ABLIM2: variants seen among roughly 807,000 people sequenced by gnomAD.
The protein encoded by ABLIM2 is actin binding LIM protein family member 2.
Under a neutral mutation model 97.7 loss-of-function variants are expected in ABLIM2, and 53 were observed. The ratio of observed to expected loss-of-function variants is 0.54; its 90% CI spans 0.44 to 0.68. The LOEUF (loss-of-function observed/expected upper bound fraction) is 0.68, where lower values mean the gene tolerates loss of function less well. Ranked by LOEUF, ABLIM2 falls within the 30% of genes least tolerant of loss-of-function variation. The probability of loss-of-function intolerance (pLI) is 0.00; values close to 1 mark genes in which losing one functional copy is unlikely to be tolerated. For missense variants in ABLIM2, 835 were observed against 867.2 expected (o/e 0.96, Z 0.47); for synonymous variants, 361 against 345.8 (o/e 1.04, Z -0.49).
intron 2 of ABLIM2, among the ~76,000 whole-genome samples, chr4:8,101,125 CA>C (rs1834356637): frequency 6.6e-6 from 1 of 152,248 alleles, no homozygotes; most frequent in Non-Finnish European, 1.5e-5. Context: ...GATGCCAATT[CA>C]CATCAAAACA....
intron 2 of ABLIM2, among the ~76,000 whole-genome samples, chr4:8,101,958 C>T (rs1030700123): frequency 2.6e-5 from 4 of 152,184 alleles, no homozygotes; most frequent in Non-Finnish European, 4.4e-5. Flanking sequence ...TCACACCCCT[C>T]ATCCCAGCCG....
At position 8,071,693 on chromosome 4, in the gene ABLIM2, A is replaced by AACCCCCC; in HGVS notation, c.675+5934_675+5935insGGGGGGT. On this transcript the variant is annotated intron_variant, in intron 6 of 20. Transcript: ENST00000447017. This position sits in a 1 kb window ranked among gnomAD's most constrained non-coding sequence, Gnocchi z 6.2. ...ACACCTGACTGCTCTGTCCCCAAAA[A>AACCCCCC]CCCACCCACCCGCAGCCCCTCCTGG... is the stretch of plus-strand genomic sequence containing the variant. 6 of 819,830 alleles carry AACCCCCC rather than the reference A, an allele frequency of 7.3e-6. No homozygotes were observed. The highest frequency in any genetic ancestry group is 5.6e-5 in the South Asian group (1 of 17,998). The allele number at this position is 819,830 out of a possible 1,614,324, so 50.8% of individuals were successfully genotyped here.
rs1758029756 is a variant in ABLIM2, at chr4:8,002,681, C to G, written c.1618+5378G>C. ...GGCCGCCCTGCTCCTGCCTCCAGACCTGTCTACAGGCTGTCTGTGCTGCTT... is the reference window on the plus strand; with the variant it reads ...GGCCGCCCTGCTCCTGCCTCCAGACGTGTCTACAGGCTGTCTGTGCTGCTT... On this transcript the variant is annotated intron_variant, in intron 16 of 20. Transcript: ENST00000447017. This position sits in a 1 kb window ranked among gnomAD's most constrained non-coding sequence, Gnocchi z 6.1. Among the ~76,000 whole-genome samples the G allele has an allele frequency of 6.6e-6, 1 of 152,182 alleles. No individual in the cohort carries two copies. The highest frequency in any genetic ancestry group is 6.5e-5 in the Admixed American group (1 of 15,280).
chr4:7,998,784 G>T lies in ABLIM2; in HGVS notation c.1619-5857C>A. 2.2e-6 allele frequency: 1 copy of T among 451,840 alleles called. No homozygotes were observed. The highest frequency in any genetic ancestry group is 2.3e-5 in the Admixed American group (1 of 42,616). 28.0% of individuals were successfully genotyped at this position (451,840 alleles called of 1,614,324 possible). ...TGCTGGGTGGGGGTGGGAGTGGGCA[G>T]GCAGGGCTGCTGTCCCTTGAGGTCC... On this transcript the variant is annotated intron_variant, in intron 16 of 20. Coordinates refer to ENST00000447017, the MANE Select transcript of ABLIM2 (RefSeq NM_001130083.2). This position sits in a 1 kb window ranked among gnomAD's most constrained non-coding sequence, Gnocchi z 6.4.
chr4:7,970,741 T>C lies in ABLIM2; in HGVS notation c.1825-3638A>G, dbSNP rs957452744. On this transcript the variant is annotated intron_variant, in intron 20 of 20. Coordinates refer to ENST00000447017, the MANE Select transcript of ABLIM2 (RefSeq NM_001130083.2). The surrounding 1 kb of genome is among the most constrained non-coding windows in gnomAD (Gnocchi z 5.3). ...TCTGAAGTTGCTGGGAATGGTTACCTTCTCTGGGAGTGTGGCACTGGGACT... is the reference window on the plus strand; with the variant it reads ...TCTGAAGTTGCTGGGAATGGTTACCCTCTCTGGGAGTGTGGCACTGGGACT... Among the ~76,000 whole-genome samples, 3 of 151,952 alleles carry C rather than the reference T, an allele frequency of 2.0e-5. No individual in the cohort carries two copies. The highest frequency in any genetic ancestry group is 4.4e-5 in the Non-Finnish European group (3 of 67,974).
At chr4:8,094,277 A>G (rs10015788) in intron 3 of ABLIM2, among the ~76,000 whole-genome samples, 61,433 of 151,964 alleles carry the variant, frequency 0.4, 13,332 homozygotes, top group African/African-American at 0.57. Flanking sequence ...TCATTTCACC[A>G]TTCCTGTCAT....
rs1849164733 is a variant in ABLIM2 at position 8,130,231 on chromosome 4, G to A, written c.11-23594C>T. Among the ~76,000 whole-genome samples the A allele has an allele frequency of 6.6e-6, 1 of 152,232 alleles. No individual in the cohort carries two copies. Among genetic ancestry groups the A allele is most frequent in the African/African-American group, 2.4e-5 (1 of 41,460 alleles). On this transcript the variant is annotated intron_variant, in intron 1 of 20. Transcript: ENST00000447017. This position sits in a 1 kb window ranked among gnomAD's most constrained non-coding sequence, Gnocchi z 4.2. The stretch of plus-strand genomic sequence containing the variant: ...AGGGCCAGGGATGGAGACGCAGGGT[G>A]GCCAGGGTGGTGCTGGATGGCTGAG...
At chr4:8,040,185 G>T (rs1458041807) in intron 9 of ABLIM2, among the ~76,000 whole-genome samples, 1 of 152,136 alleles carries the variant, frequency 6.6e-6, no homozygotes, top group East Asian at 1.9e-4. Context: ...AGGCAGGGGT[G>T]GGCAGCTGCA....
chr4:7,983,734 C>T (rs1384272175), intron 18 of ABLIM2, among the ~76,000 whole-genome samples, 180 bp from the exon 19 acceptor site: 1 of 150,652 alleles, frequency 6.6e-6, no homozygotes, highest in Admixed American at 6.6e-5. Context: ...GCAGAGGGGC[C>T]CTGAGGGCCT....
intron 6 of ABLIM2, among the ~76,000 whole-genome samples, chr4:8,077,276 C>T (rs1485664294): frequency 6.6e-6 from 1 of 152,212 alleles, no homozygotes; most frequent in Non-Finnish European, 1.5e-5. Flanking sequence ...CGCTGTGCCT[C>T]CTATGGGGAC....
chr4:8,001,500 A>G lies in ABLIM2; in HGVS notation c.1618+6559T>C, dbSNP rs552755945. Reference sequence around the variant, plus strand: ...GGGGCCACTGTCCTCGGGGTGGTGTATACCTCCAGCCACAGCATCTTCTCC... The same window carrying G: ...GGGGCCACTGTCCTCGGGGTGGTGTGTACCTCCAGCCACAGCATCTTCTCC... On this transcript the variant is annotated intron_variant, in intron 16 of 20. Transcript: ENST00000447017. The surrounding 1 kb of genome is among the most constrained non-coding windows in gnomAD (Gnocchi z 4.2). Among the ~76,000 whole-genome samples the G allele has an allele frequency of 2.0e-4, 30 of 152,156 alleles. No homozygotes were observed. Among genetic ancestry groups the G allele is most frequent in the Admixed American group, 5.2e-4 (8 of 15,294 alleles).
At position 7,984,638 on chromosome 4, in the gene ABLIM2, G is replaced by A. The variant is rs796085460; in HGVS notation, c.1735+201C>T. Among the ~76,000 whole-genome samples, 100 of 152,366 alleles carry A rather than the reference G, an allele frequency of 6.6e-4. 1 individual carries two copies. Among genetic ancestry groups the A allele is most frequent in the African/African-American group, 2.3e-3 (94 of 41,590 alleles). On this transcript the variant is annotated intron_variant, in intron 18 of 20. Transcript: ENST00000447017. Reference sequence around the variant, plus strand: ...ATGGATGGGACAGAGGGAGCATCGCGGGTAAAGCTAGCTTGGAGTGGAACT... The same window carrying A: ...ATGGATGGGACAGAGGGAGCATCGCAGGTAAAGCTAGCTTGGAGTGGAACT...
chr4:8,019,534 A>G lies in ABLIM2; in HGVS notation c.1423+84T>C. ...GTGCCTTCACTGCATTTATCAGAAC[A>G]CAACAAAAGGATGCATTCAGAAGCA... On this transcript the variant is annotated intron_variant, in intron 14 of 20. Coordinates refer to ENST00000447017, the MANE Select transcript of ABLIM2 (RefSeq NM_001130083.2). The surrounding 1 kb of genome is among the most constrained non-coding windows in gnomAD (Gnocchi z 4.3). The G allele has an allele frequency of 1.5e-6, 2 of 1,374,042 alleles. No homozygotes were observed. Among genetic ancestry groups the G allele is most frequent in the Non-Finnish European group, 2.0e-6 (2 of 989,208 alleles). The allele number at this position is 1,374,042 out of a possible 1,614,324, so 85.1% of individuals were successfully genotyped here. A position where few individuals can be genotyped will look rare whatever the true frequency, so the allele number is the denominator to read the frequency against.
In ABLIM2 at chr4:8,058,001, G is replaced by A. The variant is rs1351958913; in HGVS notation, c.763+2966C>T. 6.6e-6 allele frequency among the ~76,000 whole-genome samples: 1 copy of A among 152,236 alleles called. No individual in the cohort carries two copies. The highest frequency in any genetic ancestry group is 2.4e-5 in the African/African-American group (1 of 41,468). On this transcript the variant is annotated intron_variant, in intron 7 of 20. Coordinates refer to ENST00000447017, the MANE Select transcript of ABLIM2 (RefSeq NM_001130083.2). The surrounding 1 kb of genome is among the most constrained non-coding windows in gnomAD (Gnocchi z 4.2). ...ATTCAGACTGAGAAATCCAAGTTAG[G>A]AGAGGGGACAGGCCTGGGTTCGACA... is the stretch of plus-strand genomic sequence containing the variant.
At chr4:8,065,587 C>T (rs899951134) in intron 6 of ABLIM2, among the ~76,000 whole-genome samples, 10 of 152,148 alleles carry the variant, frequency 6.6e-5, no homozygotes, top group African/African-American at 1.7e-4. Flanking sequence ...CCAGGAAATT[C>T]ACTCTTTGGC....
intron 1 of ABLIM2, among the ~76,000 whole-genome samples, chr4:8,108,587 T>C (rs1182762143): frequency 2.0e-5 from 3 of 152,326 alleles, no homozygotes; most frequent in African/African-American, 7.2e-5. Flanking sequence ...CTGATAGCCG[T>C]CCTAATTCGT....
chr4:8,032,149 A>T lies in ABLIM2; in HGVS notation c.1048-2373T>A, dbSNP rs1161178490. Among the ~76,000 whole-genome samples the T allele has an allele frequency of 6.6e-6, 1 of 151,704 alleles. No individual in the cohort carries two copies. The highest frequency in any genetic ancestry group is 1.5e-5 in the Non-Finnish European group (1 of 67,914). On this transcript the variant is annotated intron_variant, in intron 10 of 20. Coordinates refer to ENST00000447017, the MANE Select transcript of ABLIM2 (RefSeq NM_001130083.2). The surrounding 1 kb of genome is among the most constrained non-coding windows in gnomAD (Gnocchi z 4.3). ...TGTGGCCACCCGTGCGGCCGCACAG[A>T]CTGCAGTCTGATTGGCAGCTCTCTA...
At chr4:8,126,992 G>C (rs1483778010) in intron 1 of ABLIM2, among the ~76,000 whole-genome samples, 1 of 151,846 alleles carries the variant, frequency 6.6e-6, no homozygotes, top group Non-Finnish European at 1.5e-5. Flanking sequence ...CTTGAGCTCA[G>C]GAGGTTGAGG....
Position 8,008,130 on chromosome 4 carries a change from T to C in ABLIM2, c.1547A>G (p.Gln516Arg). ...TRTNSPDLDT[Q>R]SLSHSSGTDR... ...GGTCCCGCTGCTGTGGGACAAGGACTGGGTGTCCAGGTCTGGAGAATTGGT... is the reference window on the plus strand; with the variant it reads ...GGTCCCGCTGCTGTGGGACAAGGACCGGGTGTCCAGGTCTGGAGAATTGGT... The change falls in exon 16 of 21, where the codon CAG becomes CGG. Residue 516 changes from glutamine to arginine, a missense_variant. Physicochemically the swap from Gln to Arg is conservative, Grantham distance 43. Transcript: ENST00000447017. 6.2e-7 allele frequency: 1 copy of C among 1,614,062 alleles called. No individual in the cohort carries two copies. The highest frequency in any genetic ancestry group is 1.6e-4 in the Middle Eastern group (1 of 6,062).
Sources: allele counts gnomAD v4.1 joint callset (sites outside exome capture counted in the v4.1 genomes callset), GRCh38; gene constraint gnomAD v4.1.1; non-coding constraint Gnocchi (gnomAD v3.1); transcripts MANE v1.5; gene names NCBI Gene and HGNC (gene_info 2026-07-23, HGNC 2026-07-21).